Variants in CACNA1C observed in about 807,000 individuals in gnomAD.
CACNA1C encodes the protein voltage-dependent L-type calcium channel subunit alpha-1C.
In CACNA1C, 30 loss-of-function variants were observed where a neutral mutation model predicts 229.0. The observed-to-expected ratio is 0.13, with a 90% CI of 0.10 to 0.18. The LOEUF (loss-of-function observed/expected upper bound fraction) is 0.18. Among genes scored for constraint, CACNA1C ranks in the 10% least tolerant of loss-of-function variants. CACNA1C has a pLI of 1.00. For synonymous variants in CACNA1C, 1,114 were observed against 1,132.5 expected, an observed-to-expected ratio of 0.98 and a Z score of 0.33; for missense variants, 1,658 against 2,845.0, an observed-to-expected ratio of 0.58 and a Z score of 9.49.
chr12:2,424,716 C>T (rs1268030995), intron 3 of CACNA1C, among the ~76,000 whole-genome samples: 1 of 152,164 alleles, frequency 6.6e-6, no homozygotes, highest in Non-Finnish European at 1.5e-5. Context: ...CTCCCAATTC[C>T]ATTGTGAAGT....
chr12:1,993,157 C>A (rs780572995), intron 1 of CACNA1C: 2 of 1,438,782 alleles, frequency 1.4e-6, no homozygotes, highest in South Asian at 2.3e-5. Flanking sequence ...TGACACCCCC[C>A]ATAGCCACTG....
At chr12:2,151,833 C>T (rs1367053196) in intron 3 of CACNA1C, among the ~76,000 whole-genome samples, 3 of 152,136 alleles carry the variant, frequency 2.0e-5, no homozygotes, top group Non-Finnish European at 2.9e-5. Context: ...TTCTGATGCA[C>T]GGGTGGATGA....
At position 2,605,029 on chromosome 12, in the gene CACNA1C, C is replaced by A; in HGVS notation, c.2961-52C>A. The A allele has an allele frequency of 1.5e-6, 2 of 1,333,856 alleles. No homozygotes were observed. Among genetic ancestry groups the A allele is most frequent in the Non-Finnish European group, 2.2e-6 (2 of 924,938 alleles). The allele number at this position is 1,333,856 out of a possible 1,614,324, so 82.6% of individuals were successfully genotyped here. A position where few individuals can be genotyped will look rare whatever the true frequency, so the allele number is the denominator to read the frequency against. ...ACATTCCCTTACCACATTATTTTTG[C>A]TCCCCCCAGAAACAGGAGGAGCTTA... On this transcript the variant is annotated intron_variant, in intron 22 of 46. Coordinates refer to ENST00000399655, the MANE Select transcript of CACNA1C (RefSeq NM_000719.7). The surrounding 1 kb of genome is among the most constrained non-coding windows in gnomAD (Gnocchi z 6.2).
intron 3 of CACNA1C, among the ~76,000 whole-genome samples, chr12:2,178,757 C>T (rs967273681): frequency 1.1e-4 from 17 of 152,002 alleles, no homozygotes; most frequent in African/African-American, 3.6e-4. Context: ...ATTCACAGAC[C>T]CTGAGAAGAA....
chr12:2,317,284 A>G (rs111841503), intron 3 of CACNA1C, among the ~76,000 whole-genome samples: 2,300 of 152,360 alleles, frequency 0.015, 26 homozygotes, highest in Non-Finnish European at 0.023. Flanking sequence ...AGATGAATGG[A>G]TAAGCAAAAT....
intron 3 of CACNA1C, among the ~76,000 whole-genome samples, chr12:2,264,143 G>T (rs535740036): frequency 4.6e-5 from 7 of 152,322 alleles, no homozygotes; most frequent in African/African-American, 1.7e-4. Context: ...TCACAGGTGT[G>T]ACTCCCAGGG....
At chr12:2,444,302 TGAG>T (rs1204402765) in intron 3 of CACNA1C, among the ~76,000 whole-genome samples, 1 of 152,172 alleles carries the variant, frequency 6.6e-6, no homozygotes, top group Non-Finnish European at 1.5e-5. Flanking sequence ...ATTTTTCAGG[TGAG>T]GAGGTTAATT....
rs547651774 is a variant in CACNA1C, at chr12:2,597,995, T to C, written c.2853+706T>C. Among the ~76,000 whole-genome samples the C allele has an allele frequency of 2.0e-5, 3 of 152,314 alleles. No individual in the cohort carries two copies. The highest frequency in any genetic ancestry group is 7.2e-5 in the African/African-American group (3 of 41,574). Reference sequence around the variant, plus strand: ...CACCTTCCTCAGTACTTGCAGCAGATATTGGGTCTAAGCTGGAGTTGGGGC... The same window carrying C: ...CACCTTCCTCAGTACTTGCAGCAGACATTGGGTCTAAGCTGGAGTTGGGGC... On this transcript the variant is annotated intron_variant, in intron 21 of 46. Coordinates refer to ENST00000399655, the MANE Select transcript of CACNA1C (RefSeq NM_000719.7). This position sits in a 1 kb window ranked among gnomAD's most constrained non-coding sequence, Gnocchi z 4.3.
At chr12:2,274,143 G>A (rs375193521) in intron 3 of CACNA1C, among the ~76,000 whole-genome samples, 4 of 152,198 alleles carry the variant, frequency 2.6e-5, no homozygotes, top group East Asian at 1.9e-4. Flanking sequence ...CGGCCTCCTC[G>A]TTTATGGCAG....
intron 3 of CACNA1C, among the ~76,000 whole-genome samples, chr12:2,401,912 C>A (rs940470457): frequency 6.6e-6 from 1 of 152,178 alleles, no homozygotes; most frequent in Non-Finnish European, 1.5e-5. Flanking sequence ...AAAGTGTCAC[C>A]TATTTTTCTG....
intron 13 of CACNA1C, among the ~76,000 whole-genome samples, chr12:2,570,115 C>G (rs2053555647): frequency 6.6e-6 from 1 of 152,070 alleles, no homozygotes; most frequent in Non-Finnish European, 1.5e-5. Flanking sequence ...TGGGAAACAC[C>G]TGGAAGGAAT....
intron 1 of CACNA1C, among the ~76,000 whole-genome samples, chr12:1,977,527 G>A (rs756403534): frequency 1.1e-4 from 16 of 152,158 alleles, no homozygotes; most frequent in Admixed American, 2.0e-4. Flanking sequence ...AGTGATTTGC[G>A]AATTTTGTTA....
rs2090642154 is a variant in CACNA1C at position 2,632,022 on chromosome 12, C to T, written c.3829-2275C>T. Among the ~76,000 whole-genome samples, 1 of 151,182 alleles carries T rather than the reference C, an allele frequency of 6.6e-6. No individual in the cohort carries two copies. The highest frequency in any genetic ancestry group is 1.5e-5 in the Non-Finnish European group (1 of 67,902). On this transcript the variant is annotated intron_variant, in intron 29 of 46. Coordinates refer to ENST00000399655, the MANE Select transcript of CACNA1C (RefSeq NM_000719.7). This position sits in a 1 kb window ranked among gnomAD's most constrained non-coding sequence, Gnocchi z 4.1. Reference sequence around the variant, plus strand: ...ATGAAGAGGAAAAGTTGGCAGCCTTCAAGTGAGCTGGGGAGAGATCTGGGG... The same window carrying T: ...ATGAAGAGGAAAAGTTGGCAGCCTTTAAGTGAGCTGGGGAGAGATCTGGGG...
chr12:2,221,607 C>CCACT lies in CACNA1C; in HGVS notation c.477+101181_477+101184dup, dbSNP rs2061483763. 4 of 152,206 alleles carry CCACT rather than the reference C, an allele frequency of 2.6e-5. No homozygotes were observed. The South Asian group carries it at 8.3e-4, about 32-fold the overall frequency. 9.4% of individuals were successfully genotyped at this position (152,206 alleles called of 1,614,324 possible). ...TACAGCTGATGGCAGTGCAGAAGTTCCACTCACCTTGGAGGGTCATTTGAC... is the reference window on the plus strand; with the variant it reads ...TACAGCTGATGGCAGTGCAGAAGTTCCACTCACTCACCTTGGAGGGTCATTTGAC... On this transcript the variant is annotated intron_variant, in intron 3 of 46. Transcript: ENST00000399655.
chr12:2,358,137 A>G (rs1014942861), intron 3 of CACNA1C, among the ~76,000 whole-genome samples: 2 of 152,108 alleles, frequency 1.3e-5, no homozygotes, highest in Non-Finnish European at 2.9e-5. Context: ...GGGGTTTTCC[A>G]AAGGAAATGC....
chr12:2,480,156 C>A (rs574078680), intron 5 of CACNA1C, among the ~76,000 whole-genome samples: 1 of 152,308 alleles, frequency 6.6e-6, no homozygotes, highest in East Asian at 1.9e-4. Context: ...AAACCTCTTT[C>A]CAGGGATTTC....
At position 2,358,251 on chromosome 12, in the gene CACNA1C, C is replaced by CTGTGTG. The variant is rs57191390; in HGVS notation, c.478-90673_478-90668dup. On this transcript the variant is annotated intron_variant, in intron 3 of 46. Coordinates refer to ENST00000399655, the MANE Select transcript of CACNA1C (RefSeq NM_000719.7). ...CTGGCCTAAAAGAAGCGGCGTCCTC[C>CTGTGTG]TGTGTGTGTGTGTGTGTGTGTGTGT... Among the ~76,000 whole-genome samples the CTGTGTG allele has an allele frequency of 5.3e-4, 72 of 136,108 alleles. 1 individual carries two copies. The highest frequency in any genetic ancestry group is 2.4e-3 in the South Asian group (9 of 3,732). The allele number at this position is 136,108 out of a possible 152,430, so 89.3% of individuals were successfully genotyped here.
chr12:2,294,581 C>T (rs992867335), intron 3 of CACNA1C, among the ~76,000 whole-genome samples: 7 of 151,854 alleles, frequency 4.6e-5, no homozygotes, highest in Non-Finnish European at 7.4e-5. Flanking sequence ...TGCGTGCTGT[C>T]GGGATACATC....
At chr12:2,216,542 AT>A (rs1317834870) in intron 3 of CACNA1C, among the ~76,000 whole-genome samples, 1 of 152,248 alleles carries the variant, frequency 6.6e-6, no homozygotes, top group African/African-American at 2.4e-5. Context: ...GGAATTACTC[AT>A]AAGGCAGAGT....
Sources: allele counts gnomAD v4.1 joint callset (sites outside exome capture counted in the v4.1 genomes callset), GRCh38; gene constraint gnomAD v4.1.1; non-coding constraint Gnocchi (gnomAD v3.1); transcripts MANE v1.5; gene names NCBI Gene and HGNC (gene_info 2026-07-23, HGNC 2026-07-21).